Variants in TMEM108 observed in about 807,000 individuals in gnomAD.
TMEM108 encodes cancer/testis antigen 124.
In TMEM108, 12 loss-of-function variants were observed where a neutral mutation model predicts 35.1. The observed-to-expected ratio is 0.34, with a 90% CI of 0.22 to 0.55. The LOEUF (loss-of-function observed/expected upper bound fraction) is 0.55. Ranked by LOEUF, TMEM108 falls within the 20% of genes least tolerant of loss-of-function variation. TMEM108 has a pLI of 0.89. For missense variants in TMEM108, 680 were observed against 753.3 expected, an observed-to-expected ratio of 0.90 and a Z score of 1.14; for synonymous variants, 287 against 308.6, an observed-to-expected ratio of 0.93 and a Z score of 0.73.
chr3:133,231,355 A>G (rs1348278068), intron 3 of TMEM108, among the ~76,000 whole-genome samples: 1 of 152,186 alleles, frequency 6.6e-6, no homozygotes, highest in Non-Finnish European at 1.5e-5. Context: ...TATTTCGTTC[A>G]TGAATCTGTA....
At chr3:133,339,138 A>G (rs2071587206) in intron 3 of TMEM108, among the ~76,000 whole-genome samples, 1 of 151,902 alleles carries the variant, frequency 6.6e-6, no homozygotes, top group Non-Finnish European at 1.5e-5. Flanking sequence ...TAAATGGACT[A>G]AACTCTCCAA....
chr3:133,099,879 C>G (rs1944065229), intron 2 of TMEM108, among the ~76,000 whole-genome samples: 1 of 152,198 alleles, frequency 6.6e-6, no homozygotes, highest in Admixed American at 6.5e-5. Flanking sequence ...ATTTTTCTGT[C>G]TTCTTCTGAG....
intron 2 of TMEM108, among the ~76,000 whole-genome samples, chr3:133,108,599 G>A (rs561965365): frequency 1.3e-5 from 2 of 151,976 alleles, no homozygotes; most frequent in South Asian, 2.1e-4. Flanking sequence ...AGTTTCTTTT[G>A]CTGTGCAGAA....
intron 3 of TMEM108, among the ~76,000 whole-genome samples, chr3:133,292,668 GT>G (rs571088998): frequency 2.0e-5 from 3 of 152,074 alleles, no homozygotes; most frequent in Non-Finnish European, 2.9e-5. Context: ...TTTTTATAAA[GT>G]TTTTTTTAAA....
chr3:133,262,515 C>G (rs1370082217), intron 3 of TMEM108, among the ~76,000 whole-genome samples: 4 of 152,122 alleles, frequency 2.6e-5, no homozygotes, highest in African/African-American at 9.7e-5. Flanking sequence ...AAAGATTGCT[C>G]AAACAAAAAT....
chr3:133,142,854 A>G (rs1233085323), intron 2 of TMEM108, among the ~76,000 whole-genome samples: 2 of 152,152 alleles, frequency 1.3e-5, no homozygotes, highest in African/African-American at 4.8e-5. Flanking sequence ...TATTTTCCCA[A>G]CAGCCCTAGT....
chr3:133,377,164 A>G (rs1224741505), intron 3 of TMEM108, among the ~76,000 whole-genome samples: 2 of 152,206 alleles, frequency 1.3e-5, no homozygotes, highest in East Asian at 1.9e-4. Flanking sequence ...TGAAAGCCCT[A>G]TCTCCAAATA....
intron 3 of TMEM108, among the ~76,000 whole-genome samples, chr3:133,313,208 T>G (rs1406558078): frequency 6.6e-6 from 1 of 151,682 alleles, no homozygotes; most frequent in Admixed American, 6.6e-5. Flanking sequence ...ATAATTTTTT[T>G]TTTTTTTGAG....
chr3:133,395,006 CT>C (rs1389757964), intron 5 of TMEM108, among the ~76,000 whole-genome samples: 3 of 152,172 alleles, frequency 2.0e-5, no homozygotes, highest in Non-Finnish European at 4.4e-5. Context: ...CTATGACTTT[CT>C]TTTTTTCTCT....
At chr3:133,042,334 T>A (rs556202617) in intron 1 of TMEM108, among the ~76,000 whole-genome samples, 10 of 152,220 alleles carry the variant, frequency 6.6e-5, no homozygotes, top group Non-Finnish European at 1.5e-4. Context: ...CTGATGAGCT[T>A]GTCTTTACTA....
intron 2 of TMEM108, among the ~76,000 whole-genome samples, chr3:133,084,427 G>A (rs1469810500): frequency 1.3e-5 from 2 of 152,152 alleles, no homozygotes; most frequent in Non-Finnish European, 2.9e-5. Flanking sequence ...TTGGAGTAGG[G>A]TGCTGTGCAC....
rs3078806 is a variant in TMEM108 at position 133,221,660 on chromosome 3, CTTTTTT to C, written c.-46-7588_-46-7583del. On this transcript the variant is annotated intron_variant, in intron 2 of 5. Coordinates refer to ENST00000321871, the MANE Select transcript of TMEM108 (RefSeq NM_023943.4). ...TGGCATACATTGATTACATTGATTC[CTTTTTT>C]TTTTTTTTTTTTTTTTTCACTTTTG... is the stretch of plus-strand genomic sequence containing the variant. 8.8e-4 allele frequency among the ~76,000 whole-genome samples: 53 copies of C among 60,362 alleles called. 1 individual carries two copies. Among genetic ancestry groups the C allele is most frequent in the Admixed American group, 2.2e-3 (9 of 4,052 alleles). The allele number at this position is 60,362 out of a possible 152,430, so 39.6% of individuals were successfully genotyped here. A position where few individuals can be genotyped will look rare whatever the true frequency, so the allele number is the denominator to read the frequency against.
intron 3 of TMEM108, among the ~76,000 whole-genome samples, chr3:133,376,124 G>A (rs1051866672): frequency 6.6e-6 from 1 of 152,218 alleles, no homozygotes; most frequent in African/African-American, 2.4e-5. Flanking sequence ...ATTTACTTAG[G>A]CTGTGTATCT....
At chr3:133,204,206 G>T (rs1945716301) in intron 2 of TMEM108, among the ~76,000 whole-genome samples, 1 of 150,652 alleles carries the variant, frequency 6.6e-6, no homozygotes, top group Non-Finnish European at 1.5e-5. Flanking sequence ...TATTAGCCTG[G>T]TTGGCAGTCT....
At chr3:133,256,408 G>A (rs1946546726) in intron 3 of TMEM108, among the ~76,000 whole-genome samples, 1 of 152,154 alleles carries the variant, frequency 6.6e-6, no homozygotes, top group Admixed American at 6.5e-5. Context: ...AAAGAAATTG[G>A]CAAACATAGT....
At chr3:133,318,032 ACT>A (rs2107716509) in intron 3 of TMEM108, among the ~76,000 whole-genome samples, 1 of 152,296 alleles carries the variant, frequency 6.6e-6, no homozygotes, top group Non-Finnish European at 1.5e-5. Context: ...CAGTCATTTC[ACT>A]CTCTGGATTT....
chr3:133,376,283 C>T (rs2072836139), intron 3 of TMEM108, among the ~76,000 whole-genome samples: 3 of 152,102 alleles, frequency 2.0e-5, no homozygotes, highest in Admixed American at 6.5e-5. Context: ...TCTGGAGTGC[C>T]GCAAAAGTTC....
intron 2 of TMEM108, among the ~76,000 whole-genome samples, chr3:133,134,333 T>C (rs1378612147): frequency 6.6e-6 from 1 of 152,158 alleles, no homozygotes; most frequent in Non-Finnish European, 1.5e-5. Context: ...TTAATTATGC[T>C]ATTTAAATCT....
At chr3:133,119,966 G>A (rs371410620) in intron 2 of TMEM108, among the ~76,000 whole-genome samples, 4 of 152,252 alleles carry the variant, frequency 2.6e-5, no homozygotes, top group South Asian at 4.2e-4. Flanking sequence ...GCATCACTAA[G>A]GCTTGGACTT....
Sources: allele counts gnomAD v4.1 joint callset (sites outside exome capture counted in the v4.1 genomes callset), GRCh38; gene constraint gnomAD v4.1.1; transcripts MANE v1.5; gene names NCBI Gene and HGNC (gene_info 2026-07-23, HGNC 2026-07-21).